NR2C1: variants seen among roughly 807,000 people sequenced by gnomAD.
NR2C1 encodes TR2 nuclear hormone receptor.
Under a neutral mutation model 74.8 loss-of-function variants are expected in NR2C1, and 33 were observed. That is an observed-to-expected ratio of 0.44 (90% confidence interval 0.33 to 0.59). NR2C1 has a LOEUF of 0.59. Among genes scored for constraint, NR2C1 ranks in the 20% least tolerant of loss-of-function variants. The pLI, the probability that NR2C1 is intolerant of heterozygous loss-of-function variation, is 0.02. For synonymous variants in NR2C1, 225 were observed against 240.6 expected, an observed-to-expected ratio of 0.94 and a Z score of 0.60; for missense variants, 568 against 715.6, an observed-to-expected ratio of 0.79 and a Z score of 2.35.
In NR2C1 at chr12:95,051,911, C is replaced by A; in HGVS notation, c.816G>T (p.Leu272Phe). 6.3e-7 allele frequency: 1 copy of A among 1,598,638 alleles called. No individual in the cohort carries two copies. Among genetic ancestry groups the A allele is most frequent in the Non-Finnish European group, 8.5e-7 (1 of 1,175,928 alleles). ...TCGCTAATGATGTAACCACATTGGCCAATGTACTTAAATCTCCCTGACATG... is the reference window on the plus strand; with the variant it reads ...TCGCTAATGATGTAACCACATTGGCAAATGTACTTAAATCTCCCTGACATG... ...AESCQGDLST[L>F]ANVVTSLANL... Residue 272 changes from leucine (L) to phenylalanine (F), a missense_variant, in exon 8 of 14, where the codon TTG (leucine) becomes TTT (phenylalanine). Physicochemically the swap from Leu to Phe is conservative, Grantham distance 22. This residue lies in a region of NR2C1 where 239 missense variants were observed against 232.3 expected (regional missense o/e 1.03). Coordinates refer to ENST00000333003, the MANE Select transcript of NR2C1 (RefSeq NM_003297.4).
chr12:95,028,482 A>ATG lies in NR2C1; in HGVS notation c.1434_1435dup (p.Ile479ThrfsTer25). 6.3e-7 allele frequency: 1 copy of ATG among 1,578,422 alleles called. No homozygotes were observed. Among genetic ancestry groups the ATG allele is most frequent in the Non-Finnish European group, 8.7e-7 (1 of 1,152,314 alleles). On this transcript the variant is annotated frameshift_variant, in exon 12 of 14. Coordinates refer to ENST00000333003, the MANE Select transcript of NR2C1 (RefSeq NM_003297.4). LOFTEE classifies it high-confidence loss of function. ...GTTACAAAACTCCTGTAGTTTGAAG[A>ATG]TGTGCTCCATCAATAATTTTCTTCT...
intron 8 of NR2C1, among the ~76,000 whole-genome samples, chr12:95,050,315 T>C (rs1872805485): frequency 1.3e-5 from 2 of 152,196 alleles, no homozygotes; most frequent in South Asian, 4.1e-4. Flanking sequence ...ATATTATGTT[T>C]TGTTGTTGTT....
intron 10 of NR2C1, 152 bp from the exon 11 acceptor site, chr12:95,031,640 A>T (rs1870123141): frequency 3.9e-6 from 2 of 514,944 alleles, no homozygotes; most frequent in South Asian, 1.1e-4. Context: ...TATAGCTGAT[A>T]ACAAAATGAG....
intron 8 of NR2C1, among the ~76,000 whole-genome samples, chr12:95,051,165 C>T (rs370979577): frequency 3.3e-5 from 5 of 152,178 alleles, no homozygotes; most frequent in African/African-American, 1.2e-4. Flanking sequence ...ATACTAAAAT[C>T]CAAAATGCTC....
At chr12:95,064,792 T>C (rs1356928814) in intron 2 of NR2C1, among the ~76,000 whole-genome samples, 1 of 152,248 alleles carries the variant, frequency 6.6e-6, no homozygotes, top group Non-Finnish European at 1.5e-5. Context: ...CGTTTGTTTC[T>C]AATTTTCCAA....
chr12:95,032,218 T>A (rs75967756), intron 10 of NR2C1, among the ~76,000 whole-genome samples: 38,463 of 152,168 alleles, frequency 0.25, 5,365 homozygotes, highest in Non-Finnish European at 0.27. Flanking sequence ...AGAAAAATGG[T>A]TCATTGTATG....
intron 1 of NR2C1, among the ~76,000 whole-genome samples, chr12:95,069,729 G>A (rs1400467212): frequency 6.6e-6 from 1 of 151,552 alleles, no homozygotes; most frequent in Non-Finnish European, 1.5e-5. Context: ...TTTGTGACTG[G>A]ATGACTGAAA....
intron 1 of NR2C1, chr12:95,073,122 C>T (rs117183946): frequency 0.12 from 17,712 of 152,654 alleles, 1,406 homozygotes; most frequent in Non-Finnish European, 0.18. Context: ...CCAAGCCGCT[C>T]GCCGTCCGGC....
Position 95,022,057 on chromosome 12 carries a change from TG to T in NR2C1, c.*171del. 1 of 482,182 alleles carries T rather than the reference TG, an allele frequency of 2.1e-6. No homozygotes were observed. The highest frequency in any genetic ancestry group is 3.6e-6 in the Non-Finnish European group (1 of 279,962). The allele number at this position is 482,182 out of a possible 1,614,324, so 29.9% of individuals were successfully genotyped here. On this transcript the variant is annotated 3_prime_UTR_variant, in exon 14 of 14. Coordinates refer to ENST00000333003, the MANE Select transcript of NR2C1 (RefSeq NM_003297.4). ...GAAGAAAAATTCATTTAATTTCTGC[TG>T]CCTGCCCAGTCACTTCAAAAATTCT... is the stretch of plus-strand genomic sequence containing the variant.
intron 11 of NR2C1, among the ~76,000 whole-genome samples, chr12:95,029,374 A>G (rs928400736): frequency 6.6e-6 from 1 of 152,002 alleles, no homozygotes; most frequent in Non-Finnish European, 1.5e-5. Context: ...CCAGGTTTAT[A>G]TTTCATCTTA....
intron 10 of NR2C1, among the ~76,000 whole-genome samples, chr12:95,032,715 C>T (rs936594732): frequency 3.9e-5 from 6 of 152,006 alleles, no homozygotes; most frequent in African/African-American, 1.5e-4. Flanking sequence ...CGTCTGTAAT[C>T]CCAGCACTTC....
intron 7 of NR2C1, among the ~76,000 whole-genome samples, chr12:95,052,812 G>T (rs1168885653): frequency 6.6e-6 from 1 of 152,098 alleles, no homozygotes; most frequent in African/African-American, 2.4e-5. Flanking sequence ...ATGAATTGTT[G>T]AACAGACTTC....
chr12:95,066,343 T>C (rs181793485), intron 2 of NR2C1, among the ~76,000 whole-genome samples: 1 of 152,164 alleles, frequency 6.6e-6, no homozygotes, highest in African/African-American at 2.4e-5. Context: ...TGCTACAAAA[T>C]ATATAAAACA....
chr12:95,073,495 T>C lies in NR2C1; in HGVS notation c.-123A>G, dbSNP rs929404595. The C allele has an allele frequency of 9.8e-5, 15 of 152,292 alleles. No individual in the cohort carries two copies. The highest frequency in any genetic ancestry group is 3.6e-4 in the African/African-American group (15 of 41,468). 9.4% of individuals were successfully genotyped at this position (152,292 alleles called of 1,614,324 possible). ...GAGAGGTTGAAGAAAGCCGACGGGATGTGGGATCGAGATTCACGGCGGAGA... is the reference window on the plus strand; with the variant it reads ...GAGAGGTTGAAGAAAGCCGACGGGACGTGGGATCGAGATTCACGGCGGAGA... On this transcript the variant is annotated 5_prime_UTR_variant, in exon 1 of 14. Coordinates refer to ENST00000333003, the MANE Select transcript of NR2C1 (RefSeq NM_003297.4).
At chr12:95,049,681 C>G (rs1263042323) in intron 8 of NR2C1, among the ~76,000 whole-genome samples, 1 of 152,006 alleles carries the variant, frequency 6.6e-6, no homozygotes, top group Non-Finnish European at 1.5e-5. Flanking sequence ...ACAAGACTAT[C>G]AGCCTATTTA....
chr12:95,030,562 G>C (rs1023623362), intron 11 of NR2C1: 1 of 1,612,822 alleles, frequency 6.2e-7, no homozygotes, highest in East Asian at 2.2e-5. Flanking sequence ...CCATAAGTAA[G>C]ATGGGAATGT....
At chr12:95,045,285 T>C (rs1249610612) in intron 9 of NR2C1, among the ~76,000 whole-genome samples, 2 of 152,092 alleles carry the variant, frequency 1.3e-5, no homozygotes, top group Non-Finnish European at 2.9e-5. Context: ...AGCAGCTGGG[T>C]CAGAATGTGG....
intron 11 of NR2C1, chr12:95,030,804 T>C (rs1255463096): frequency 8.1e-6 from 13 of 1,613,412 alleles, no homozygotes; most frequent in East Asian, 2.2e-5. Context: ...AGCCATTCTA[T>C]AGTTAAGCAT....
At chr12:95,060,090 T>A in intron 3 of NR2C1, 106 bp from the exon 4 acceptor site, 1 of 886,932 alleles carries the variant, frequency 1.1e-6, no homozygotes, top group Non-Finnish European at 1.7e-6. Context: ...GGTCTTGCTT[T>A]GTTGCTTTCT....
Sources: allele counts gnomAD v4.1 joint callset (sites outside exome capture counted in the v4.1 genomes callset), GRCh38; gene constraint gnomAD v4.1.1; regional missense constraint gnomAD v4.1.1; transcripts MANE v1.5; gene names NCBI Gene and HGNC (gene_info 2026-07-23, HGNC 2026-07-21).